Variants in GLRA3 observed in about 807,000 individuals in gnomAD.
GLRA3 encodes the protein glycine receptor subunit alpha-3.
GLRA3 carries 44 observed loss-of-function variants against 60.4 expected under a neutral mutation model. The ratio of observed to expected loss-of-function variants is 0.73; its 90% CI spans 0.57 to 0.94. The LOEUF is 0.94. Among genes scored for constraint, GLRA3 ranks in the 40% least tolerant of loss-of-function variants. The pLI is 0.00. For missense variants in GLRA3, 508 were observed against 564.6 expected, an observed-to-expected ratio of 0.90 and a Z score of 1.02; for synonymous variants, 223 against 192.9, an observed-to-expected ratio of 1.16 and a Z score of -1.29.
At chr4:174,751,104 T>TATCTATCA (rs1554018215) in intron 3 of GLRA3, among the ~76,000 whole-genome samples, 3,378 of 145,188 alleles carry the variant, frequency 0.023, 36 homozygotes, top group Non-Finnish European at 0.027. Context: ...TCTATCTATC[T>TATCTATCA]ATCAATCATC....
chr4:174,768,805 C>T (rs973234718), intron 2 of GLRA3, among the ~76,000 whole-genome samples: 6 of 152,202 alleles, frequency 3.9e-5, no homozygotes, highest in Non-Finnish European at 7.4e-5. Context: ...TTCCCACCAC[C>T]TTGTTTATAT....
In GLRA3 at chr4:174,678,317, T is replaced by C. The variant is rs1734206811; in HGVS notation, c.713-1025A>G. Among the ~76,000 whole-genome samples, 3 of 152,196 alleles carry C rather than the reference T, an allele frequency of 2.0e-5. 1 individual carries two copies. The South Asian group carries it at 6.2e-4, about 32-fold the overall frequency. On this transcript the variant is annotated intron_variant, in intron 6 of 9. Transcript: ENST00000274093. ...TCCCTACTCTATTGATATTGATTTA[T>C]ACTACTCTATGTTATCTCTCCTTTA...
At chr4:174,716,096 T>C (rs984027973) in intron 4 of GLRA3, among the ~76,000 whole-genome samples, 1 of 152,160 alleles carries the variant, frequency 6.6e-6, no homozygotes, top group African/African-American at 2.4e-5. Flanking sequence ...GGAGCAATCA[T>C]ATGTAACGTT....
rs10656765 is a variant in GLRA3, at chr4:174,718,959, C to CTTTTTTTTT, written c.492-3398_492-3390dup. Among the ~76,000 whole-genome samples the CTTTTTTTTT allele has an allele frequency of 2.2e-4, 18 of 81,080 alleles. 1 individual carries two copies. Among genetic ancestry groups the CTTTTTTTTT allele is most frequent in the Non-Finnish European group, 2.6e-4 (12 of 45,834 alleles). The allele number at this position is 81,080 out of a possible 152,430, so 53.2% of individuals were successfully genotyped here. Reference sequence around the variant, plus strand: ...TGGGGTTCTAGTTCTAGATTTCGTGCTTTTTTTTTTTTTTTTTTTTTTTGA... The same window carrying CTTTTTTTTT: ...TGGGGTTCTAGTTCTAGATTTCGTGCTTTTTTTTTTTTTTTTTTTTTTTTTTTTTTTTGA... On this transcript the variant is annotated intron_variant, in intron 4 of 9. Transcript: ENST00000274093.
intron 4 of GLRA3, among the ~76,000 whole-genome samples, chr4:174,718,755 T>C (rs1218835954): frequency 6.6e-6 from 1 of 152,162 alleles, no homozygotes; most frequent in Non-Finnish European, 1.5e-5. Context: ...TAGACAATGT[T>C]TACTGTGCAG....
At chr4:174,789,372 T>C (rs1235312298) in intron 1 of GLRA3, among the ~76,000 whole-genome samples, 1 of 151,108 alleles carries the variant, frequency 6.6e-6, no homozygotes, top group South Asian at 2.1e-4. Context: ...TTTTGTGAAT[T>C]ATTCTTAGCA....
At chr4:174,737,792 G>A (rs796536141) in intron 3 of GLRA3, among the ~76,000 whole-genome samples, 5 of 152,258 alleles carry the variant, frequency 3.3e-5, no homozygotes, top group Admixed American at 6.5e-5. Flanking sequence ...GATTACAGGC[G>A]TGAGCCACGG....
At chr4:174,690,468 T>C (rs1734753073) in intron 5 of GLRA3, among the ~76,000 whole-genome samples, 1 of 152,192 alleles carries the variant, frequency 6.6e-6, no homozygotes, top group African/African-American at 2.4e-5. Context: ...ATGACACTTT[T>C]TGTTGTGTAG....
chr4:174,683,518 T>C (rs1017027955), intron 5 of GLRA3, among the ~76,000 whole-genome samples: 3 of 152,110 alleles, frequency 2.0e-5, no homozygotes, highest in African/African-American at 7.2e-5. Context: ...GCCCTGCTAA[T>C]TTTTGTATTT....
chr4:174,829,000 A>T lies in GLRA3; in HGVS notation c.-189T>A. 1.8e-6 allele frequency: 1 copy of T among 569,684 alleles called. No individual in the cohort carries two copies. The allele number at this position is 569,684 out of a possible 1,614,324, so 35.3% of individuals were successfully genotyped here. A position where few individuals can be genotyped will look rare whatever the true frequency, so the allele number is the denominator to read the frequency against. ...TTCTCAGCATTGAGCAGAAGTGGAG[A>T]GTCACAGTGTTATAAATGTGCAGGT... On this transcript the variant is annotated 5_prime_UTR_variant, in exon 1 of 10. Transcript: ENST00000274093.
At chr4:174,689,168 T>C (rs1734682627) in intron 5 of GLRA3, among the ~76,000 whole-genome samples, 1 of 152,192 alleles carries the variant, frequency 6.6e-6, no homozygotes, top group Non-Finnish European at 1.5e-5. Flanking sequence ...CTAATTAAAA[T>C]GCACTATAAA....
chr4:174,674,880 C>T (rs1734053234), intron 7 of GLRA3, among the ~76,000 whole-genome samples: 1 of 152,088 alleles, frequency 6.6e-6, no homozygotes, highest in African/African-American at 2.4e-5. Context: ...AAGCCCTCAC[C>T]TCCTGTCTCT....
intron 2 of GLRA3, among the ~76,000 whole-genome samples, chr4:174,768,462 A>G (rs1247172693): frequency 6.6e-6 from 1 of 152,154 alleles, no homozygotes; most frequent in South Asian, 2.1e-4. Flanking sequence ...CTTAGTATTC[A>G]TCATAAATCC....
intron 3 of GLRA3, among the ~76,000 whole-genome samples, chr4:174,752,854 T>C (rs1737542219): frequency 6.6e-6 from 1 of 152,106 alleles, no homozygotes; most frequent in South Asian, 2.1e-4. Context: ...TGTCTTATGC[T>C]TTATCTAGCC....
At chr4:174,827,637 C>A (rs1741031241) in intron 1 of GLRA3, among the ~76,000 whole-genome samples, 1 of 151,720 alleles carries the variant, frequency 6.6e-6, no homozygotes. Context: ...AGTTCAACTT[C>A]TTATTTTGGG....
In GLRA3 at chr4:174,659,164, C is replaced by G; in HGVS notation, c.961G>C (p.Ala321Pro). Reference protein sequence around the residue: ...SYVKAIDIWMAVCLLFVFSAL... With the variant: ...SYVKAIDIWMPVCLLFVFSAL... ...GAAAACACAAAAAGGAGGCATACTG[C>G]CATCCAAATATCAATAGCTTTGACA... is the stretch of plus-strand genomic sequence containing the variant. Residue 321 changes from alanine to proline, a missense_variant, in exon 8 of 10, where the codon GCA becomes CCA. By Grantham distance (27) the Ala-to-Pro change is conservative. Coordinates refer to ENST00000274093, the MANE Select transcript of GLRA3 (RefSeq NM_006529.4). 1 of 1,611,638 alleles carries G rather than the reference C, an allele frequency of 6.2e-7. No homozygotes were observed. Among genetic ancestry groups the G allele is most frequent in the Non-Finnish European group, 8.5e-7 (1 of 1,178,282 alleles).
chr4:174,813,250 TA>T (rs1330070996), intron 1 of GLRA3, among the ~76,000 whole-genome samples: 5 of 152,224 alleles, frequency 3.3e-5, no homozygotes, highest in Non-Finnish European at 5.9e-5. Flanking sequence ...ATGAGATGAT[TA>T]TTTTTTCTCT....
rs7664450 is a variant in GLRA3, at chr4:174,696,050, T to A, written c.575-13111A>T. On this transcript the variant is annotated intron_variant, in intron 5 of 9. Coordinates refer to ENST00000274093, the MANE Select transcript of GLRA3 (RefSeq NM_006529.4). ...AATAACCAGGGAGATGAAAGAAAGA[T>A]CTCTACAATGACAATTACAAAACAC... is the stretch of plus-strand genomic sequence containing the variant. Among the ~76,000 whole-genome samples, 999 of 151,760 alleles carry A rather than the reference T, an allele frequency of 6.6e-3. 13 individuals are homozygous for A. The highest frequency in any genetic ancestry group is 0.023 in the African/African-American group (966 of 41,426).
chr4:174,751,534 G>T (rs1167045055), intron 3 of GLRA3, among the ~76,000 whole-genome samples: 1 of 152,032 alleles, frequency 6.6e-6, no homozygotes, highest in Non-Finnish European at 1.5e-5. Flanking sequence ...AAATAAAAGA[G>T]AATATAGTTT....
Sources: allele counts gnomAD v4.1 joint callset (sites outside exome capture counted in the v4.1 genomes callset), GRCh38; gene constraint gnomAD v4.1.1; transcripts MANE v1.5; gene names NCBI Gene and HGNC (gene_info 2026-07-23, HGNC 2026-07-21).